The following ANP32E variants were observed in gnomAD, a reference collection of about 807,000 sequenced individuals.
The protein encoded by ANP32E is acidic leucine-rich nuclear phosphoprotein 32 family member E.
A neutral mutation model predicts 35.3 loss-of-function variants in ANP32E; 14 were observed. The ratio of observed to expected loss-of-function variants is 0.40; its 90% CI spans 0.26 to 0.62. ANP32E has a LOEUF of 0.62. Among genes scored for constraint, ANP32E ranks in the 20% least tolerant of loss-of-function variants. The pLI, the probability that ANP32E is intolerant of heterozygous loss-of-function variation, is 0.45. For missense variants in ANP32E, 198 were observed against 304.4 expected, an observed-to-expected ratio of 0.65 and a Z score of 2.60; for synonymous variants, 89 against 110.4, an observed-to-expected ratio of 0.81 and a Z score of 1.22.
chr1:150,225,350 T>C (rs1648777313), intron 5 of ANP32E, among the ~76,000 whole-genome samples: 1 of 151,926 alleles, frequency 6.6e-6, no homozygotes, highest in East Asian at 1.9e-4. Context: ...ATCATTTAAT[T>C]TGGAATCAAG....
At position 150,235,781 on chromosome 1, in the gene ANP32E, C is replaced by T. The variant is rs782082856; in HGVS notation, c.6G>A (p.Glu2=). The T allele has an allele frequency of 5.3e-5, 85 of 1,597,904 alleles. No homozygotes were observed. The highest frequency in any genetic ancestry group is 7.1e-5 in the Non-Finnish European group (83 of 1,170,864). M[E]MKKKINLELR... Reference sequence around the variant, plus strand: ...ACTCCAGGTTAATCTTCTTCTTCATCTCCATGTCCTCCTCTTGCTCTTCAG... The same window carrying T: ...ACTCCAGGTTAATCTTCTTCTTCATTTCCATGTCCTCCTCTTGCTCTTCAG... The change falls in exon 1 of 7, where the codon GAG becomes GAA. Residue 2 remains glutamate (E), a synonymous_variant. Transcript: ENST00000583931. The surrounding 1 kb of genome is among the most constrained non-coding windows in gnomAD (Gnocchi z 4.2).
Position 150,229,300 on chromosome 1 carries a change from T to A in ANP32E, c.328-63A>T. On this transcript the variant is annotated intron_variant, in intron 3 of 6. Transcript: ENST00000583931. ...AAATACCATGTTATTTCTTTTTTCTTTTTTTTTTTTTTTTTTTGAGACGGA... is the reference window on the plus strand; with the variant it reads ...AAATACCATGTTATTTCTTTTTTCTATTTTTTTTTTTTTTTTTGAGACGGA... 7 of 764,184 alleles carry A rather than the reference T, an allele frequency of 9.2e-6. No individual in the cohort carries two copies. The East Asian group carries it at 2.4e-4, about 26-fold the overall frequency. 47.3% of individuals were successfully genotyped at this position (764,184 alleles called of 1,614,324 possible).
intron 5 of ANP32E, among the ~76,000 whole-genome samples, chr1:150,224,019 A>G (rs894376141): frequency 3.9e-5 from 6 of 152,170 alleles, no homozygotes; most frequent in Non-Finnish European, 8.8e-5. Context: ...TGGTGAGATT[A>G]CAGGCGTGAG....
At chr1:150,221,432 G>A (rs1648358693) in intron 6 of ANP32E, among the ~76,000 whole-genome samples, 1 of 104 alleles carries the variant, frequency 9.6e-3, no homozygotes, top group Non-Finnish European at 0.045. Flanking sequence ...GAGCAAGACT[G>A]TCTCAAAAAG....
At chr1:150,229,258 C>T in intron 3 of ANP32E, 21 bp from the exon 4 acceptor site, 3 of 1,245,696 alleles carry the variant, frequency 2.4e-6, no homozygotes, top group Non-Finnish European at 2.2e-6. Context: ...AAAGTTAAAA[C>T]TTACATTCAA....
intron 3 of ANP32E, among the ~76,000 whole-genome samples, chr1:150,229,459 C>T (rs1380503458): frequency 5.4e-5 from 8 of 147,824 alleles, no homozygotes; most frequent in African/African-American, 1.5e-4. Context: ...CACCATGCCC[C>T]GCTAATTTTT....
At chr1:150,227,235 C>G (rs587732342) in intron 4 of ANP32E, among the ~76,000 whole-genome samples, 1 of 152,270 alleles carries the variant, frequency 6.6e-6, no homozygotes, top group South Asian at 2.1e-4. Flanking sequence ...ACCCAGCAAT[C>G]CCATTACTGG....
At chr1:150,228,119 T>C (rs1339711197) in intron 4 of ANP32E, among the ~76,000 whole-genome samples, 5 of 151,582 alleles carry the variant, frequency 3.3e-5, no homozygotes, top group Non-Finnish European at 7.4e-5. Flanking sequence ...CTTTTTTGTT[T>C]TGTTTTTGAG....
At chr1:150,234,635 G>T (rs1314173262) in intron 1 of ANP32E, 2 of 985,434 alleles carry the variant, frequency 2.0e-6, no homozygotes, top group Middle Eastern at 5.2e-4. Flanking sequence ...GAGGCTCCCC[G>T]CTGGCCACCA....
intron 4 of ANP32E, 121 bp from the exon 5 acceptor site, chr1:150,226,916 C>A: frequency 7.8e-7 from 1 of 1,286,726 alleles, no homozygotes; most frequent in Non-Finnish European, 1.0e-6. Context: ...GAAAGTAACT[C>A]ACAGCGATAC....
chr1:150,223,327 A>T, intron 5 of ANP32E, 87 bp from the exon 6 acceptor site: 1 of 1,466,302 alleles, frequency 6.8e-7, no homozygotes, highest in Non-Finnish European at 9.3e-7. Flanking sequence ...AAGAGCAAAG[A>T]AACTATGGTT....
intron 1 of ANP32E, chr1:150,234,674 C>A: frequency 1.0e-6 from 1 of 985,638 alleles, no homozygotes; most frequent in South Asian, 4.7e-5. Flanking sequence ...GCCGCTCCGA[C>A]TGACGGGAAA....
chr1:150,232,300 C>T (rs1399678292), intron 1 of ANP32E, among the ~76,000 whole-genome samples: 1 of 135,918 alleles, frequency 7.4e-6, no homozygotes, highest in East Asian at 2.3e-4. Context: ...GCCGAGATCC[C>T]GCCACTGCAC....
chr1:150,227,809 G>A (rs1387902920), intron 4 of ANP32E, among the ~76,000 whole-genome samples: 1 of 96,442 alleles, frequency 1.0e-5, no homozygotes, highest in East Asian at 6.2e-4. Flanking sequence ...TTCTTTTTAC[G>A]ATGAAGAAGT....
intron 4 of ANP32E, among the ~76,000 whole-genome samples, chr1:150,228,453 AG>A (rs1560001054): frequency 6.6e-6 from 1 of 152,154 alleles, no homozygotes; most frequent in Non-Finnish European, 1.5e-5. Flanking sequence ...GCACTTTAGG[AG>A]GCTGAGGCAG....
chr1:150,222,557 A>AC (rs1299486986), intron 6 of ANP32E, among the ~76,000 whole-genome samples: 1 of 151,558 alleles, frequency 6.6e-6, no homozygotes, highest in Non-Finnish European at 1.5e-5. Context: ...GAGTTCAACA[A>AC]AGCCTGGGCA....
At chr1:150,221,895 C>T (rs1164370497) in intron 6 of ANP32E, among the ~76,000 whole-genome samples, 4 of 152,094 alleles carry the variant, frequency 2.6e-5, no homozygotes, top group East Asian at 3.9e-4. Context: ...AGTTCAAGAC[C>T]AGCCCGGGCA....
intron 1 of ANP32E, among the ~76,000 whole-genome samples, chr1:150,232,645 G>T (rs1332377148): frequency 1.3e-5 from 2 of 151,260 alleles, no homozygotes; most frequent in Non-Finnish European, 2.9e-5. Flanking sequence ...TAATTTTTTT[G>T]TATTTTTAGT....
Position 150,232,467 on chromosome 1 carries a change from C to CT in ANP32E, c.55-542dup, listed in dbSNP as rs1240658324. On this transcript the variant is annotated intron_variant, in intron 1 of 6. Transcript: ENST00000583931. ...TCACTATAAGTAATCTTTTAAATTT[C>CT]TTTTTTCTTTTTTTTTTTTTGTAGA... Among the ~76,000 whole-genome samples, 52 of 141,122 alleles carry CT rather than the reference C, an allele frequency of 3.7e-4. 3 individuals carry two copies. Among genetic ancestry groups the CT allele is most frequent in the Non-Finnish European group, 3.2e-4 (21 of 66,430 alleles). The allele number at this position is 141,122 out of a possible 152,430, so 92.6% of individuals were successfully genotyped here.
Sources: allele counts gnomAD v4.1 joint callset (sites outside exome capture counted in the v4.1 genomes callset), GRCh38; gene constraint gnomAD v4.1.1; non-coding constraint Gnocchi (gnomAD v3.1); transcripts MANE v1.5; gene names NCBI Gene and HGNC (gene_info 2026-07-23, HGNC 2026-07-21).